The following STXBP5L variants were observed in gnomAD, a reference collection of about 807,000 sequenced individuals.
STXBP5L encodes the protein syntaxin binding protein 5L, also known as syntaxin-binding protein 5-like.
In STXBP5L, 65 loss-of-function variants were observed where a neutral mutation model predicts 144.5. That is an observed-to-expected ratio of 0.45 (90% CI 0.37 to 0.55). STXBP5L has a LOEUF of 0.55. Among genes scored for constraint, STXBP5L ranks in the 20% least tolerant of loss-of-function variants. STXBP5L has a pLI of 0.00. For synonymous variants in STXBP5L, 505 were observed against 469.6 expected (o/e 1.08, Z -0.97); for missense variants, 1,298 against 1,405.5 (o/e 0.92, Z 1.22).
intron 4 of STXBP5L, among the ~76,000 whole-genome samples, chr3:121,044,300 T>G (rs1346104119): frequency 6.6e-6 from 1 of 152,112 alleles, no homozygotes; most frequent in Admixed American, 6.6e-5. Context: ...GTACCAAATA[T>G]AAAGAGACCT....
rs151254264 is a variant in STXBP5L at position 121,279,841 on chromosome 3, G to A, written c.1995G>A (p.Val665=). 1,685 of 1,612,374 alleles carry A rather than the reference G, an allele frequency of 1.0e-3. 15 individuals are homozygous for A. In the African/African-American group the frequency reaches 0.019, roughly 18 times the overall value. Residue 665 remains valine (V), a synonymous_variant, in exon 19 of 27, where the codon GTG becomes GTA. Transcript: ENST00000471454. Reference sequence around the variant, plus strand: ...GGAACTGCAATGGGTTGGCTGTGGTGGATTTTATACAGAAGACAGTACTGT... The same window carrying A: ...GGAACTGCAATGGGTTGGCTGTGGTAGATTTTATACAGAAGACAGTACTGT... ...AFGNCNGLAV[V]DFIQKTVLLS... is the part of the protein sequence containing the mutation.
intron 9 of STXBP5L, among the ~76,000 whole-genome samples, chr3:121,176,439 AAG>A (rs1485429036): frequency 6.6e-6 from 1 of 151,310 alleles, no homozygotes; most frequent in East Asian, 1.9e-4. Context: ...ATGAAACCAA[AAG>A]AGAGTTCTTT....
At chr3:121,193,565 A>T (rs150418507) in intron 9 of STXBP5L, among the ~76,000 whole-genome samples, 5,417 of 152,340 alleles carry the variant, frequency 0.036, 147 homozygotes, top group Middle Eastern at 0.082. Context: ...AAAACTTGGA[A>T]CCAACCCAAA....
chr3:121,347,910 C>T (rs554127185), intron 20 of STXBP5L, among the ~76,000 whole-genome samples: 3 of 152,142 alleles, frequency 2.0e-5, no homozygotes, highest in African/African-American at 4.8e-5. Context: ...CAAACAGGGA[C>T]AATTTGACTT....
At chr3:121,235,498 A>G (rs527917242) in intron 12 of STXBP5L, among the ~76,000 whole-genome samples, 2 of 152,164 alleles carry the variant, frequency 1.3e-5, no homozygotes, top group East Asian at 3.9e-4. Context: ...AATTTTTCTC[A>G]AAAATTTTCT....
intron 2 of STXBP5L, among the ~76,000 whole-genome samples, chr3:120,910,605 G>A (rs902365777): frequency 3.9e-5 from 6 of 152,020 alleles, no homozygotes; most frequent in Non-Finnish European, 8.8e-5. Context: ...ATATAGTTTT[G>A]TAAATGTGTT....
chr3:121,306,744 C>T (rs145436952), intron 19 of STXBP5L, among the ~76,000 whole-genome samples: 24 of 152,238 alleles, frequency 1.6e-4, no homozygotes, highest in Middle Eastern at 3.4e-3. Context: ...AACCAATGAA[C>T]GAGACTGCTA....
chr3:121,189,856 A>G (rs533575880), intron 9 of STXBP5L, among the ~76,000 whole-genome samples: 89 of 152,326 alleles, frequency 5.8e-4, no homozygotes, highest in Non-Finnish European at 9.0e-4. Context: ...ATAAACAAAT[A>G]AAAAGTATGT....
rs140390258 is a variant in STXBP5L, at chr3:120,930,164, C to CT, written c.189+20412dup. Among the ~76,000 whole-genome samples the CT allele has an allele frequency of 4.8e-3, 658 of 135,984 alleles. 1 individual carries two copies. Among genetic ancestry groups the CT allele is most frequent in the South Asian group, 0.018 (76 of 4,288 alleles). The allele number at this position is 135,984 out of a possible 152,430, so 89.2% of individuals were successfully genotyped here. On this transcript the variant is annotated intron_variant, in intron 2 of 26. Coordinates refer to ENST00000471454, the MANE Select transcript of STXBP5L (RefSeq NM_001308330.2). ...GAGTTTGAATATTCATTTCTATTTT[C>CT]TTTTTTTTTTTTTTTATGAGAAAAT...
chr3:121,003,229 CT>C (rs1442776081), intron 3 of STXBP5L, among the ~76,000 whole-genome samples: 1 of 152,118 alleles, frequency 6.6e-6, no homozygotes, highest in East Asian at 1.9e-4. Flanking sequence ...TGTTTCCTGA[CT>C]TTTTAATGAT....
intron 2 of STXBP5L, among the ~76,000 whole-genome samples, chr3:120,953,592 C>T (rs1325322110): frequency 1.3e-5 from 2 of 151,032 alleles, no homozygotes; most frequent in Non-Finnish European, 2.9e-5. Context: ...CCTGCTTTGG[C>T]CTCCCAAAGT....
intron 3 of STXBP5L, among the ~76,000 whole-genome samples, chr3:120,996,364 A>G (rs1943348632): frequency 6.6e-6 from 1 of 152,048 alleles, no homozygotes; most frequent in Non-Finnish European, 1.5e-5. Flanking sequence ...TGTATATTTA[A>G]GGTATACAAT....
intron 20 of STXBP5L, among the ~76,000 whole-genome samples, chr3:121,322,055 T>G (rs2043988234): frequency 6.6e-6 from 1 of 152,168 alleles, no homozygotes; most frequent in Non-Finnish European, 1.5e-5. Context: ...GTTGCCATCC[T>G]TATGTCCATG....
intron 3 of STXBP5L, among the ~76,000 whole-genome samples, chr3:120,970,165 T>C (rs560606468): frequency 3.9e-5 from 6 of 152,116 alleles, no homozygotes; most frequent in Non-Finnish European, 8.8e-5. Flanking sequence ...TTGTAGTAAT[T>C]ATTGATTTTA....
intron 22 of STXBP5L, among the ~76,000 whole-genome samples, chr3:121,402,455 C>T (rs530244496): frequency 6.6e-6 from 1 of 151,718 alleles, no homozygotes; most frequent in East Asian, 1.9e-4. Context: ...TTGTCATTCA[C>T]CCCCTTCATG....
chr3:121,037,390 G>C (rs953359431), intron 3 of STXBP5L, among the ~76,000 whole-genome samples: 4 of 151,888 alleles, frequency 2.6e-5, no homozygotes, highest in African/African-American at 9.7e-5. Context: ...TGGGATCACA[G>C]GTATGTGCCA....
intron 3 of STXBP5L, among the ~76,000 whole-genome samples, chr3:121,039,688 T>G (rs977633972): frequency 4.6e-5 from 7 of 151,904 alleles, no homozygotes; most frequent in African/African-American, 1.7e-4. Context: ...GTTTCATTTG[T>G]GAAGAAAACT....
chr3:120,948,756 A>G (rs1318165618), intron 2 of STXBP5L, among the ~76,000 whole-genome samples: 2 of 151,956 alleles, frequency 1.3e-5, no homozygotes, highest in African/African-American at 2.4e-5. Context: ...ATGACAGAGT[A>G]GTATTTTACG....
intron 7 of STXBP5L, among the ~76,000 whole-genome samples, chr3:121,131,301 C>T (rs1056359872): frequency 5.3e-5 from 8 of 151,944 alleles, no homozygotes; most frequent in Non-Finnish European, 1.0e-4. Context: ...AATGGGTAAT[C>T]CCATAGGGAA....
Sources: gnomAD v4.1 joint callset for allele counts (sites outside exome capture counted in the v4.1 genomes callset) on GRCh38, gnomAD v4.1.1 for gene constraint, MANE v1.5 for transcripts, NCBI Gene and HGNC (gene_info 2026-07-23, HGNC 2026-07-21) for gene names.